The following PPP2R5C variants were observed in gnomAD, a reference collection of about 807,000 sequenced individuals.
The protein encoded by PPP2R5C is serine/threonine-protein phosphatase 2A 56 kDa regulatory subunit gamma isoform.
Under a neutral mutation model 68.9 loss-of-function variants are expected in PPP2R5C, and 7 were observed. The ratio of observed to expected loss-of-function variants is 0.10; its 90% confidence interval spans 0.06 to 0.19. The LOEUF (loss-of-function observed/expected upper bound fraction) is 0.19, where lower values mean the gene tolerates loss of function less well. Among genes scored for constraint, PPP2R5C ranks in the 10% least tolerant of loss-of-function variants. PPP2R5C has a pLI of 1.00. For missense variants in PPP2R5C, 348 were observed against 641.3 expected, an observed-to-expected ratio of 0.54 and a Z score of 4.94; for synonymous variants, 210 against 222.2, an observed-to-expected ratio of 0.95 and a Z score of 0.49.
chr14:101,761,070 AGGAGGGAAGGGGAGG>A (rs1308838868), upstream of PPP2R5C, among the ~76,000 whole-genome samples: 14 of 22,390 alleles, frequency 6.3e-4, no homozygotes, highest in African/African-American at 1.8e-3. Context: ...GTGGAGGGAG[AGGAGGGAAGGGGAGG>A]GGAGGGAAGG....
rs928866077 is a variant in PPP2R5C, at chr14:101,915,769, A to C, written c.1327-2062A>C. Among the ~76,000 whole-genome samples, 1 of 152,246 alleles carries C rather than the reference A, an allele frequency of 6.6e-6. No homozygotes were observed. Among genetic ancestry groups the C allele is most frequent in the South Asian group, 2.1e-4 (1 of 4,830 alleles). On this transcript the variant is annotated intron_variant, in intron 12 of 13. Transcript: ENST00000334743. The surrounding 1 kb of genome is among the most constrained non-coding windows in gnomAD (Gnocchi z 4.2). ...CCCAGCCTCAGGGAGCTTACAGTCC[A>C]TTAGGAGAGGCAGATGAATTCAGCT... is the stretch of plus-strand genomic sequence containing the variant.
At chr14:101,816,218 G>T (rs377118438) in intron 1 of PPP2R5C, among the ~76,000 whole-genome samples, 1 of 152,192 alleles carries the variant, frequency 6.6e-6, no homozygotes, top group Non-Finnish European at 1.5e-5. Flanking sequence ...CGACACAGGT[G>T]CCCACTCCAC....
chr14:101,771,221 TCGTGTGTGTGTGTGTG>T (rs1381638815), intron 2 of PPP2R5C, among the ~76,000 whole-genome samples: 2 of 72,634 alleles, frequency 2.8e-5, no homozygotes, highest in Non-Finnish European at 5.7e-5. Flanking sequence ...TTTCTTCATC[TCGTGTGTGTGTGTGTG>T]TGTGTGTGTG....
Position 101,906,712 on chromosome 14 carries a change from A to G in PPP2R5C, c.1151+183A>G. 1 of 727,090 alleles carries G rather than the reference A, an allele frequency of 1.4e-6. No individual in the cohort carries two copies. The highest frequency in any genetic ancestry group is 2.1e-5 in the South Asian group (1 of 48,500). 45.0% of individuals were successfully genotyped at this position (727,090 alleles called of 1,614,324 possible). A position where few individuals can be genotyped will look rare whatever the true frequency, so the allele number is the denominator to read the frequency against. The stretch of plus-strand genomic sequence containing the variant: ...TGTTTCTGTGGCCGTTGAATTTACC[A>G]CCTTATACCTTCATTCCTGCCAGTA... On this transcript the variant is annotated intron_variant, in intron 10 of 13. Transcript: ENST00000334743. This position sits in a 1 kb window ranked among gnomAD's most constrained non-coding sequence, Gnocchi z 4.0.
At chr14:101,787,628 G>A (rs532477624) in intron 3 of PPP2R5C, among the ~76,000 whole-genome samples, 46 of 152,104 alleles carry the variant, frequency 3.0e-4, no homozygotes, top group African/African-American at 7.5e-4. Context: ...TTAGCCAGGC[G>A]TGGTGGCGGG....
intron 3 of PPP2R5C, among the ~76,000 whole-genome samples, chr14:101,788,781 A>G (rs889554878): frequency 2.6e-5 from 4 of 152,220 alleles, no homozygotes; most frequent in African/African-American, 9.6e-5. Flanking sequence ...GTTCAGAAAA[A>G]TAATAATTGA....
upstream of PPP2R5C, among the ~76,000 whole-genome samples, chr14:101,761,583 G>T (rs1209306579): frequency 1.4e-5 from 2 of 138,532 alleles, no homozygotes; most frequent in African/African-American, 5.3e-5. Flanking sequence ...GGGGCCGGGC[G>T]CGGGGGTGGG....
chr14:101,890,114 G>A (rs1212665064), intron 5 of PPP2R5C, 123 bp from the exon 8 acceptor site: 12 of 870,492 alleles, frequency 1.4e-5, no homozygotes, highest in South Asian at 2.9e-5. Context: ...TGCTCACCAC[G>A]AGCAGTGTTT....
At chr14:101,784,673 G>A (rs1347455947) in intron 2 of PPP2R5C, among the ~76,000 whole-genome samples, 5 of 152,220 alleles carry the variant, frequency 3.3e-5, no homozygotes, top group Non-Finnish European at 7.3e-5. Context: ...AGATTTGGGT[G>A]GGGACACAGA....
chr14:101,765,139 T>A (rs1393077235), intron 2 of PPP2R5C: 1 of 702,738 alleles, frequency 1.4e-6, no homozygotes, highest in South Asian at 1.5e-5. Flanking sequence ...ACTTGTCTTT[T>A]TGTATTTTTT....
intron 2 of PPP2R5C, among the ~76,000 whole-genome samples, chr14:101,871,179 G>A (rs990218544): frequency 1.3e-5 from 2 of 151,938 alleles, no homozygotes; most frequent in Non-Finnish European, 2.9e-5. Flanking sequence ...TAAAGTGGGT[G>A]TATGGTAGAT....
intron 1 of PPP2R5C, chr14:101,823,866 G>A (rs2040236314): frequency 8.0e-7 from 1 of 1,244,924 alleles, no homozygotes; most frequent in African/African-American, 1.5e-5. Flanking sequence ...GTAGAGTGCA[G>A]TGCAGCTGAA....
chr14:101,775,131 G>T (rs1218016104), intron 2 of PPP2R5C, among the ~76,000 whole-genome samples: 2 of 152,198 alleles, frequency 1.3e-5, no homozygotes, highest in African/African-American at 4.8e-5. Flanking sequence ...ACTAGCCATG[G>T]TCTGTGGAAG....
At chr14:101,865,579 G>A (rs1046755736) in intron 2 of PPP2R5C, among the ~76,000 whole-genome samples, 1 of 152,204 alleles carries the variant, frequency 6.6e-6, no homozygotes, top group Non-Finnish European at 1.5e-5. Flanking sequence ...CAGATGAAAC[G>A]GTCGGATCTG....
chr14:101,807,546 TG>T (rs897662990), upstream of PPP2R5C, among the ~76,000 whole-genome samples: 1 of 152,170 alleles, frequency 6.6e-6, no homozygotes, highest in Non-Finnish European at 1.5e-5. Flanking sequence ...TAGATCAGTT[TG>T]GGGGGAAATT....
At chr14:101,907,138 A>G (rs892750198) in intron 10 of PPP2R5C, among the ~76,000 whole-genome samples, 7 of 151,996 alleles carry the variant, frequency 4.6e-5, no homozygotes, top group Non-Finnish European at 8.8e-5. Flanking sequence ...TGGGTGCCAC[A>G]TTATTTATTT....
intron 10 of PPP2R5C, among the ~76,000 whole-genome samples, chr14:101,909,120 A>G (rs1361878745): frequency 6.6e-6 from 1 of 152,206 alleles, no homozygotes; most frequent in Non-Finnish European, 1.5e-5. Flanking sequence ...CTGAGAGCTA[A>G]GCATTGATTA....
intron 2 of PPP2R5C, among the ~76,000 whole-genome samples, chr14:101,869,813 A>G (rs959071266): frequency 6.6e-6 from 1 of 151,424 alleles, no homozygotes; most frequent in Non-Finnish European, 1.5e-5. Context: ...CATCACACCC[A>G]CCTCATTTTT....
intron 1 of PPP2R5C, among the ~76,000 whole-genome samples, chr14:101,850,467 G>A (rs2042089631): frequency 6.6e-6 from 1 of 152,130 alleles, no homozygotes; most frequent in Non-Finnish European, 1.5e-5. Flanking sequence ...GACTTTATTG[G>A]GAGACATTTA....
Sources: allele counts gnomAD v4.1 joint callset (sites outside exome capture counted in the v4.1 genomes callset), GRCh38; gene constraint gnomAD v4.1.1; non-coding constraint Gnocchi (gnomAD v3.1); transcripts MANE v1.5; gene names NCBI Gene and HGNC (gene_info 2026-07-23, HGNC 2026-07-21).